The following FRMD6 variants were observed in gnomAD, a reference collection of about 807,000 sequenced individuals.
FRMD6 encodes FERM domain containing 6.
In FRMD6, 37 loss-of-function variants were observed where a neutral mutation model predicts 73.2. The ratio of observed to expected loss-of-function variants is 0.51; its 90% CI spans 0.39 to 0.66. The LOEUF (loss-of-function observed/expected upper bound fraction) is 0.66, where lower values mean the gene tolerates loss of function less well. FRMD6 is among the 30% of genes least tolerant of loss of function. FRMD6 has a pLI of 0.00. For synonymous variants in FRMD6, 273 were observed against 282.2 expected, an observed-to-expected ratio of 0.97 and a Z score of 0.33; for missense variants, 714 against 780.5, an observed-to-expected ratio of 0.91 and a Z score of 1.02.
intron 1 of FRMD6, among the ~76,000 whole-genome samples, chr14:51,528,555 C>T (rs2140321988): frequency 6.6e-6 from 1 of 152,242 alleles, no homozygotes; most frequent in South Asian, 2.1e-4. Context: ...ACACCAAGAT[C>T]CCCAACCCAG....
At chr14:51,494,561 G>C (rs1342023085) in intron 1 of FRMD6, among the ~76,000 whole-genome samples, 1 of 152,180 alleles carries the variant, frequency 6.6e-6, no homozygotes, top group African/African-American at 2.4e-5. Flanking sequence ...AGATTTGTCG[G>C]GCAAAGCCCA....
intron 1 of FRMD6, among the ~76,000 whole-genome samples, chr14:51,676,047 T>C (rs1894366508): frequency 6.6e-6 from 1 of 152,140 alleles, no homozygotes; most frequent in Non-Finnish European, 1.5e-5. Flanking sequence ...ATATAAAATA[T>C]GAACTTTCTG....
At chr14:51,419,352 CTTGG>C in the FRMD6 span, among the ~76,000 whole-genome samples, 1 of 152,162 alleles carries the variant, frequency 6.6e-6, no homozygotes, top group African/African-American at 2.4e-5. Context: ...GTTTCACCAT[CTTGG>C]CCAGGATGGT....
At chr14:51,597,126 G>A (rs911974644) in intron 2 of FRMD6, among the ~76,000 whole-genome samples, 5 of 152,198 alleles carry the variant, frequency 3.3e-5, no homozygotes, top group African/African-American at 1.2e-4. Context: ...GGTAAATACA[G>A]CAACAGACAT....
intron 6 of FRMD6, among the ~76,000 whole-genome samples, chr14:51,705,878 A>T (rs1896596303): frequency 6.6e-6 from 1 of 152,058 alleles, no homozygotes; most frequent in African/African-American, 2.4e-5. Flanking sequence ...CTTTTCACTA[A>T]ATTTTGCTGC....
At chr14:51,585,156 G>A (rs1888955754) in intron 2 of FRMD6, among the ~76,000 whole-genome samples, 1 of 152,100 alleles carries the variant, frequency 6.6e-6, no homozygotes, top group African/African-American at 2.4e-5. Context: ...CAGGCACGCT[G>A]TTCCTGTGAC....
chr14:51,449,585 A>G, the FRMD6 span, among the ~76,000 whole-genome samples: 1 of 152,340 alleles, frequency 6.6e-6, no homozygotes, highest in South Asian at 2.1e-4. Context: ...TGAATTGAGT[A>G]TGTTGGGTGG....
At chr14:51,518,527 G>A (rs1302359202) in intron 1 of FRMD6, among the ~76,000 whole-genome samples, 2 of 152,174 alleles carry the variant, frequency 1.3e-5, no homozygotes, top group Admixed American at 1.3e-4. Flanking sequence ...GTGTTATAAG[G>A]AGTCAGTGAG....
chr14:51,574,229 C>CGGA (rs1336953351), intron 2 of FRMD6, among the ~76,000 whole-genome samples: 1 of 152,120 alleles, frequency 6.6e-6, no homozygotes, highest in Non-Finnish European at 1.5e-5. Context: ...GTGCAATAGG[C>CGGA]TCTCCCTCTC....
At chr14:51,684,860 A>G (rs560806863) in intron 1 of FRMD6, among the ~76,000 whole-genome samples, 1 of 152,360 alleles carries the variant, frequency 6.6e-6, no homozygotes, top group African/African-American at 2.4e-5. Flanking sequence ...TTGGAGATTA[A>G]GCAAAATATG....
intron 1 of FRMD6, among the ~76,000 whole-genome samples, chr14:51,566,824 G>C (rs980702385): frequency 7.9e-5 from 12 of 152,224 alleles, no homozygotes; most frequent in Admixed American, 6.5e-4. Context: ...GTTTTGTAAA[G>C]TATCCTTCTG....
At chr14:51,638,979 C>T (rs959116305) in intron 2 of FRMD6, among the ~76,000 whole-genome samples, 7 of 104,050 alleles carry the variant, frequency 6.7e-5, no homozygotes, top group Admixed American at 2.2e-4. Context: ...GTTCTTCTCC[C>T]GGTTTTCTGA....
At chr14:51,594,306 T>TTTTATTTATTTATTTA (rs148367741) in intron 2 of FRMD6, among the ~76,000 whole-genome samples, 2,577 of 143,040 alleles carry the variant, frequency 0.018, 77 homozygotes, top group African/African-American at 0.058. Flanking sequence ...TGTATTTTAT[T>TTTTATTTATTTATTTA]TTTATTTATT....
intron 12 of FRMD6, among the ~76,000 whole-genome samples, chr14:51,723,618 TA>T (rs33938591): frequency 6.7e-6 from 1 of 150,104 alleles, no homozygotes; most frequent in Non-Finnish European, 1.5e-5. Flanking sequence ...CCATCTCTAC[TA>T]AAATGCAAAA....
At chr14:51,422,489 G>T in the FRMD6 span, among the ~76,000 whole-genome samples, 4 of 152,000 alleles carry the variant, frequency 2.6e-5, no homozygotes, top group Admixed American at 2.0e-4. Context: ...CAAATTGAAT[G>T]ATTACAAATA....
the FRMD6 span, among the ~76,000 whole-genome samples, chr14:51,456,365 T>C: frequency 6.6e-6 from 1 of 152,162 alleles, no homozygotes; most frequent in Non-Finnish European, 1.5e-5. Context: ...TGTGTTCTCG[T>C]TGTTCAACTC....
At chr14:51,452,174 G>A in the FRMD6 span, among the ~76,000 whole-genome samples, 8 of 152,134 alleles carry the variant, frequency 5.3e-5, no homozygotes, top group African/African-American at 1.9e-4. Context: ...AGCGAGGGTT[G>A]GAAAGAAAAA....
At chr14:51,599,635 C>A (rs1325604693) in intron 2 of FRMD6, among the ~76,000 whole-genome samples, 1 of 151,992 alleles carries the variant, frequency 6.6e-6, no homozygotes, top group African/African-American at 2.4e-5. Flanking sequence ...GAAACCTAAA[C>A]AATTGAACAA....
At chr14:51,398,465 A>G in the FRMD6 span, among the ~76,000 whole-genome samples, 2 of 152,328 alleles carry the variant, frequency 1.3e-5, no homozygotes, top group African/African-American at 4.8e-5. Context: ...GCAATTTTTC[A>G]AAGAACTTTC....
Sources: gnomAD v4.1 joint callset for allele counts (sites outside exome capture counted in the v4.1 genomes callset) on GRCh38, gnomAD v4.1.1 for gene constraint, MANE v1.5 for transcripts, NCBI Gene and HGNC (gene_info 2026-07-23, HGNC 2026-07-21) for gene names.